SUPT3H: variants seen among roughly 807,000 people sequenced by gnomAD.
SUPT3H encodes transcription initiation protein SPT3 homolog.
In SUPT3H, 44 loss-of-function variants were observed where a neutral mutation model predicts 44.3. The ratio of observed to expected loss-of-function variants is 0.99; its 90% CI spans 0.78 to 1.28. The LOEUF (loss-of-function observed/expected upper bound fraction) is 1.28, where lower values mean the gene tolerates loss of function less well. Among genes scored for constraint, SUPT3H ranks in the 50% most tolerant of loss-of-function variants. The pLI is 0.00. For missense variants in SUPT3H, 380 were observed against 387.1 expected (o/e 0.98, Z 0.15); for synonymous variants, 124 against 125.6 (o/e 0.99, Z 0.09).
chr6:45,350,167 T>A (rs1791724021), intron 2 of SUPT3H, among the ~76,000 whole-genome samples: 1 of 152,220 alleles, frequency 6.6e-6, no homozygotes, highest in South Asian at 2.1e-4. Flanking sequence ...ACAATTAGAA[T>A]GTAGCCCTGA....
chr6:45,348,628 T>A (rs1461756806), intron 2 of SUPT3H, among the ~76,000 whole-genome samples: 1 of 133,654 alleles, frequency 7.5e-6, no homozygotes, highest in East Asian at 2.1e-4. Flanking sequence ...TGAGCCAAGA[T>A]CCCACCACTG....
intron 3 of SUPT3H, among the ~76,000 whole-genome samples, chr6:45,028,144 T>C (rs1301918436): frequency 6.6e-6 from 1 of 152,246 alleles, no homozygotes; most frequent in Non-Finnish European, 1.5e-5. Flanking sequence ...TTTGTTTTCC[T>C]GAAATGTCTA....
chr6:44,926,373 C>T (rs757681146), intron 10 of SUPT3H, among the ~76,000 whole-genome samples: 107 of 151,752 alleles, frequency 7.1e-4, no homozygotes, highest in Non-Finnish European at 1.4e-3. Flanking sequence ...GAAAACATAT[C>T]GAATTAGAAA....
intron 9 of SUPT3H, among the ~76,000 whole-genome samples, chr6:44,940,850 A>G (rs953998978): frequency 1.3e-5 from 2 of 152,062 alleles, no homozygotes; most frequent in African/African-American, 4.8e-5. Flanking sequence ...TTTGATACAA[A>G]GTCTGTGTTA....
chr6:45,204,988 A>C (rs779726919), intron 2 of SUPT3H, among the ~76,000 whole-genome samples: 103 of 152,324 alleles, frequency 6.8e-4, no homozygotes, highest in Non-Finnish European at 1.1e-3. Flanking sequence ...CCCTTCATTA[A>C]ATATGCCCAT....
Position 44,953,339 on chromosome 6 carries a change from T to C in SUPT3H, c.772A>G (p.Thr258Ala), listed in dbSNP as rs113964926. The change falls in exon 9 of 11, where the codon ACC becomes GCC. Residue 258 changes from threonine (T) to alanine (A), a missense_variant. Thr to Ala is a moderately conservative substitution (Grantham distance 58). Coordinates refer to ENST00000371459, the MANE Select transcript of SUPT3H (RefSeq NM_003599.4). ...GDPFSHAISA[T>A]FIQYHNSAES... is the part of the protein sequence containing the mutation. The stretch of plus-strand genomic sequence containing the variant: ...GCAGAGTTGTGATACTGAATGAAGG[T>C]TGCAGAAATGGCATGGCTGAAGGGG... The C allele has an allele frequency of 6.3e-5, 102 of 1,614,138 alleles. 2 individuals carry two copies. The highest frequency in any genetic ancestry group is 6.3e-4 in the African/African-American group (47 of 75,052).
intron 10 of SUPT3H, among the ~76,000 whole-genome samples, chr6:44,922,268 A>G: frequency 6.6e-6 from 1 of 152,208 alleles, no homozygotes; most frequent in East Asian, 1.9e-4. Flanking sequence ...TTTCCCGCAC[A>G]TTTTAACTAA....
At chr6:45,297,143 C>T (rs139272351) in intron 2 of SUPT3H, among the ~76,000 whole-genome samples, 2,654 of 151,048 alleles carry the variant, frequency 0.018, 50 homozygotes, top group South Asian at 0.085. Context: ...ATAGTAAAGC[C>T]AGGTTTCAGA....
chr6:44,918,137 T>C (rs1282990402), intron 10 of SUPT3H, among the ~76,000 whole-genome samples: 1 of 152,046 alleles, frequency 6.6e-6, no homozygotes, highest in East Asian at 1.9e-4. Context: ...GAAATATGAA[T>C]CCCCTTGAAA....
intron 2 of SUPT3H, among the ~76,000 whole-genome samples, chr6:45,212,286 C>T (rs1322015209): frequency 7.2e-5 from 11 of 152,126 alleles, no homozygotes; most frequent in African/African-American, 2.2e-4. Flanking sequence ...TGTTCTTCCC[C>T]GAACTTTTAA....
At chr6:45,005,895 A>G (rs1354844444) in intron 5 of SUPT3H, among the ~76,000 whole-genome samples, 1 of 152,156 alleles carries the variant, frequency 6.6e-6, no homozygotes, top group African/African-American at 2.4e-5. Flanking sequence ...TTCTGTAGAT[A>G]TATTGAAAAA....
intron 10 of SUPT3H, among the ~76,000 whole-genome samples, chr6:44,857,968 T>A (rs1387861562): frequency 6.6e-6 from 1 of 152,106 alleles, no homozygotes; most frequent in African/African-American, 2.4e-5. Flanking sequence ...TGCTGATGAG[T>A]CTGTTCTTCC....
At chr6:45,057,492 A>G (rs929147743) in intron 3 of SUPT3H, among the ~76,000 whole-genome samples, 1 of 152,154 alleles carries the variant, frequency 6.6e-6, no homozygotes, top group African/African-American at 2.4e-5. Context: ...TAAAAAAACA[A>G]AAAACAAAAA....
At chr6:45,076,257 G>C (rs1460005709) in intron 3 of SUPT3H, among the ~76,000 whole-genome samples, 1 of 152,080 alleles carries the variant, frequency 6.6e-6, no homozygotes, top group Non-Finnish European at 1.5e-5. Context: ...TAATTTTAAT[G>C]AAAGATTTAC....
At chr6:44,961,499 G>A (rs1347884739) in intron 7 of SUPT3H, among the ~76,000 whole-genome samples, 1 of 152,084 alleles carries the variant, frequency 6.6e-6, no homozygotes, top group African/African-American at 2.4e-5. Context: ...TAAAAGTACT[G>A]TAAATAATTA....
At chr6:45,158,605 C>T in intron 2 of SUPT3H, among the ~76,000 whole-genome samples, 1 of 87,158 alleles carries the variant, frequency 1.1e-5, no homozygotes, top group African/African-American at 6.4e-5. Flanking sequence ...GAAGGGATGA[C>T]TTGGGGATAC....
At chr6:45,099,068 T>C (rs1404798925) in intron 3 of SUPT3H, 3 of 378,856 alleles carry the variant, frequency 7.9e-6, no homozygotes, top group Non-Finnish European at 1.6e-5. Flanking sequence ...TGCCCCAACA[T>C]GGTCCTCCAG....
chr6:45,361,037 T>C (rs1794159506), intron 2 of SUPT3H, among the ~76,000 whole-genome samples: 1 of 152,058 alleles, frequency 6.6e-6, no homozygotes, highest in South Asian at 2.1e-4. Flanking sequence ...ACTCAGGAGA[T>C]GGGGGCAGGA....
chr6:45,089,675 C>G (rs1026381370), intron 3 of SUPT3H, among the ~76,000 whole-genome samples: 1 of 63,908 alleles, frequency 1.6e-5, no homozygotes, highest in African/African-American at 6.7e-5. Flanking sequence ...TTGCATATTG[C>G]AGCTCTACAT....
Sources: allele counts gnomAD v4.1 joint callset (sites outside exome capture counted in the v4.1 genomes callset), GRCh38; gene constraint gnomAD v4.1.1; transcripts MANE v1.5; gene names NCBI Gene and HGNC (gene_info 2026-07-23, HGNC 2026-07-21).